The following SPPL3 variants were observed in gnomAD, a reference collection of about 807,000 sequenced individuals.
The protein encoded by SPPL3 is signal peptide peptidase like 3, also known as signal peptide peptidase-like 3.
Under a neutral mutation model 42.4 loss-of-function variants are expected in SPPL3, and 5 were observed. The ratio of observed to expected loss-of-function variants is 0.12; its 90% CI spans 0.06 to 0.25. SPPL3 has a LOEUF of 0.25. Ranked by LOEUF, SPPL3 falls within the 10% of genes least tolerant of loss-of-function variation. The pLI is 1.00. For synonymous variants in SPPL3, 195 were observed against 181.8 expected, an observed-to-expected ratio of 1.07 and a Z score of -0.58; for missense variants, 235 against 489.0, an observed-to-expected ratio of 0.48 and a Z score of 4.90.
chr12:120,833,990 G>A (rs1357750797), intron 1 of SPPL3, among the ~76,000 whole-genome samples: 3 of 152,116 alleles, frequency 2.0e-5, no homozygotes, highest in Non-Finnish European at 4.4e-5. Flanking sequence ...CATACAGGGT[G>A]ACACATTTTC....
intron 6 of SPPL3, among the ~76,000 whole-genome samples, chr12:120,772,948 A>G (rs1157272221): frequency 6.6e-6 from 1 of 152,230 alleles, no homozygotes; most frequent in Non-Finnish European, 1.5e-5. Flanking sequence ...AATCATATAG[A>G]ATGTTTATTA....
At chr12:120,901,673 A>C (rs1426364953) in intron 1 of SPPL3, among the ~76,000 whole-genome samples, 2 of 151,912 alleles carry the variant, frequency 1.3e-5, no homozygotes, top group Non-Finnish European at 2.9e-5. Flanking sequence ...ATAATGTAAA[A>C]ATTTTCTTCA....
intron 10 of SPPL3, among the ~76,000 whole-genome samples, 143 bp downstream of exon 10, chr12:120,766,098 GCGCACACACACACACACACACA>G (rs1310999218): frequency 1.0e-3 from 151 of 144,146 alleles, no homozygotes; most frequent in Non-Finnish European, 1.8e-3. Context: ...TAGCGCGCGC[GCGCACACACACACACACACACA>G]CACACACACA....
intron 8 of SPPL3, 35 bp downstream of exon 8, chr12:120,768,290 A>C: frequency 6.3e-7 from 1 of 1,588,684 alleles, no homozygotes; most frequent in Middle Eastern, 1.8e-4. Flanking sequence ...AGGCACAGGA[A>C]GACAGTGTGG....
intron 1 of SPPL3, among the ~76,000 whole-genome samples, chr12:120,846,750 A>G (rs1473031509): frequency 3.3e-5 from 5 of 152,260 alleles, no homozygotes; most frequent in Non-Finnish European, 1.5e-5. Context: ...ATGGAATAGA[A>G]GTAGTCATGT....
intron 6 of SPPL3, among the ~76,000 whole-genome samples, chr12:120,774,710 G>C (rs543438310): frequency 2.0e-5 from 3 of 151,936 alleles, no homozygotes; most frequent in African/African-American, 7.2e-5. Context: ...TCTCAATCTA[G>C]TTTGCCTGCC....
At chr12:120,901,775 G>A (rs1234722360) in intron 1 of SPPL3, 1 of 484,942 alleles carries the variant, frequency 2.1e-6, no homozygotes, top group African/African-American at 2.1e-5. Context: ...ATTGAAGGAA[G>A]TATTTTAGTA....
intron 1 of SPPL3, among the ~76,000 whole-genome samples, chr12:120,841,832 C>T (rs1871843224): frequency 6.6e-6 from 1 of 152,172 alleles, no homozygotes; most frequent in African/African-American, 2.4e-5. Flanking sequence ...ATCTGACAAG[C>T]TAGCAATTAC....
intron 10 of SPPL3, among the ~76,000 whole-genome samples, 189 bp from the exon 11 acceptor site, chr12:120,765,259 A>T (rs1868843675): frequency 6.6e-6 from 1 of 150,484 alleles, no homozygotes; most frequent in Admixed American, 6.6e-5. Flanking sequence ...GATTACAGGC[A>T]TGAGCTGCTG....
intron 1 of SPPL3, among the ~76,000 whole-genome samples, chr12:120,850,439 G>A (rs953960268): frequency 2.0e-5 from 3 of 147,132 alleles, no homozygotes; most frequent in African/African-American, 7.5e-5. Context: ...TGGGAGGACT[G>A]CTTGAGCCCA....
chr12:120,888,872 C>CA (rs2137063788), intron 1 of SPPL3, among the ~76,000 whole-genome samples: 1 of 152,226 alleles, frequency 6.6e-6, no homozygotes, highest in East Asian at 1.9e-4. Flanking sequence ...ACAATGGGTG[C>CA]AATCTCAGCT....
Position 120,849,867 on chromosome 12 carries a change from A to G in SPPL3, c.24-38981T>C, listed in dbSNP as rs1872166321. ...GTGACAGCTGCTGCTTTATAAAGAC[A>G]TAATTCTAGCGTGAAGTATTTCTAC... On this transcript the variant is annotated intron_variant, in intron 1 of 10. Transcript: ENST00000353487. Among the ~76,000 whole-genome samples, 5 of 152,208 alleles carry G rather than the reference A, an allele frequency of 3.3e-5. 1 individual carries two copies. The highest frequency in any genetic ancestry group is 3.3e-4 in the Admixed American group (5 of 15,274).
chr12:120,837,235 C>A (rs1287354765), intron 1 of SPPL3, among the ~76,000 whole-genome samples: 1 of 152,130 alleles, frequency 6.6e-6, no homozygotes, highest in Non-Finnish European at 1.5e-5. Context: ...AGTTTATCTG[C>A]ATTTGACCAG....
At chr12:120,825,341 G>T (rs1871205274) in intron 1 of SPPL3, among the ~76,000 whole-genome samples, 1 of 152,192 alleles carries the variant, frequency 6.6e-6, no homozygotes, top group Non-Finnish European at 1.5e-5. Flanking sequence ...AACTGAATTT[G>T]TTATCAAACA....
chr12:120,807,597 C>CT (rs1870540964), intron 2 of SPPL3, among the ~76,000 whole-genome samples: 2 of 151,462 alleles, frequency 1.3e-5, no homozygotes, highest in South Asian at 4.2e-4. Context: ...TCGCTTGAGC[C>CT]TGGGAGGCGG....
At chr12:120,900,401 GAGTTCAA>G (rs1389410459) in intron 1 of SPPL3, among the ~76,000 whole-genome samples, 1 of 151,590 alleles carries the variant, frequency 6.6e-6, no homozygotes, top group Non-Finnish European at 1.5e-5. Context: ...CACTTGGGCT[GAGTTCAA>G]GACCAGCACC....
intron 1 of SPPL3, among the ~76,000 whole-genome samples, chr12:120,838,356 G>C (rs553084098): frequency 9.9e-5 from 15 of 151,848 alleles, no homozygotes; most frequent in Admixed American, 3.3e-4. Context: ...CCTCTCCTAG[G>C]AGAACCCTGA....
intron 1 of SPPL3, among the ~76,000 whole-genome samples, chr12:120,831,069 T>TTCTC (rs375855863): frequency 1.3e-4 from 20 of 149,812 alleles, no homozygotes; most frequent in South Asian, 4.3e-4. Flanking sequence ...GAAGGGCAAA[T>TTCTC]TCTCTCTCTC....
intron 2 of SPPL3, among the ~76,000 whole-genome samples, chr12:120,810,244 A>G (rs1331067064): frequency 1.3e-5 from 2 of 152,122 alleles, no homozygotes; most frequent in Non-Finnish European, 2.9e-5. Context: ...AGCCTCCCAA[A>G]GTGCTGGGAT....
Sources: gnomAD v4.1 joint callset for allele counts (sites outside exome capture counted in the v4.1 genomes callset) on GRCh38, gnomAD v4.1.1 for gene constraint, MANE v1.5 for transcripts, NCBI Gene and HGNC (gene_info 2026-07-23, HGNC 2026-07-21) for gene names.